The following TBL1XR1 variants were observed in gnomAD, a reference collection of about 807,000 sequenced individuals.
TBL1XR1 encodes the protein F-box-like/WD repeat-containing protein TBL1XR1.
TBL1XR1 carries 5 observed loss-of-function variants against 66.9 expected under a neutral mutation model. That is an observed-to-expected ratio of 0.07 (90% CI 0.04 to 0.16). The LOEUF (loss-of-function observed/expected upper bound fraction) is 0.16, where lower values mean the gene tolerates loss of function less well. Ranked by LOEUF, TBL1XR1 falls within the 10% of genes least tolerant of loss-of-function variation. TBL1XR1 has a pLI of 1.00. For synonymous variants in TBL1XR1, 210 were observed against 206.0 expected, an observed-to-expected ratio of 1.02 and a Z score of -0.17; for missense variants, 238 against 623.2, an observed-to-expected ratio of 0.38 and a Z score of 6.58.
intron 7 of TBL1XR1, 167 bp from the exon 8 acceptor site, chr3:177,047,716 C>G: frequency 1.5e-6 from 1 of 659,816 alleles, no homozygotes. Context: ...GCCTATGAAA[C>G]CCTTCCACTG....
intron 12 of TBL1XR1, 89 bp downstream of exon 12, chr3:177,038,009 A>G: frequency 8.7e-7 from 1 of 1,145,652 alleles, no homozygotes; most frequent in Non-Finnish European, 1.3e-6. Flanking sequence ...CACTCCATGT[A>G]AGACAGACAT....
chr3:177,072,397 C>A (rs1341884821), intron 2 of TBL1XR1, among the ~76,000 whole-genome samples: 1 of 151,142 alleles, frequency 6.6e-6, no homozygotes, highest in Non-Finnish European at 1.5e-5. Flanking sequence ...TAAAACTGCT[C>A]ACACCTTAGT....
chr3:177,116,395 C>T (rs564075439), intron 1 of TBL1XR1, among the ~76,000 whole-genome samples: 2 of 152,238 alleles, frequency 1.3e-5, no homozygotes, highest in South Asian at 4.1e-4. Context: ...GCACCATGAC[C>T]TTCTATTTCT....
intron 7 of TBL1XR1, among the ~76,000 whole-genome samples, chr3:177,049,350 G>C (rs1338606149): frequency 6.6e-6 from 1 of 152,212 alleles, no homozygotes. Context: ...AGCGAGGTAA[G>C]AGATGTATTT....
chr3:177,157,565 ACT>A (rs1412360163), intron 1 of TBL1XR1, among the ~76,000 whole-genome samples: 3 of 152,250 alleles, frequency 2.0e-5, no homozygotes, highest in Non-Finnish European at 2.9e-5. Flanking sequence ...CCTTGGCATC[ACT>A]CTCTGCATCA....
At chr3:177,160,678 T>C (rs1320733812) in intron 1 of TBL1XR1, among the ~76,000 whole-genome samples, 1 of 151,986 alleles carries the variant, frequency 6.6e-6, no homozygotes, top group Admixed American at 6.6e-5. Flanking sequence ...CAGTCCTAAA[T>C]CATAAAACAT....
chr3:177,037,767 A>C (rs1370144513), intron 12 of TBL1XR1: 1 of 138,708 alleles, frequency 7.2e-6, no homozygotes, highest in Non-Finnish European at 1.4e-5. Context: ...CTCACAGTAA[A>C]TCTCTCATCC....
intron 1 of TBL1XR1, among the ~76,000 whole-genome samples, chr3:177,109,482 T>C (rs776887659): frequency 2.6e-4 from 40 of 151,924 alleles, no homozygotes; most frequent in South Asian, 2.1e-4. Context: ...AACAGAACTA[T>C]GGGAAGAAAG....
chr3:177,051,862 A>G (rs1006253048), intron 4 of TBL1XR1, 136 bp from the exon 5 acceptor site: 1 of 1,100,250 alleles, frequency 9.1e-7, no homozygotes. Flanking sequence ...AATTCATATA[A>G]GAAGTCCGGA....
intron 1 of TBL1XR1, among the ~76,000 whole-genome samples, chr3:177,100,408 C>T (rs1234524077): frequency 1.3e-5 from 2 of 151,994 alleles, no homozygotes; most frequent in African/African-American, 2.4e-5. Context: ...AGCTCATCAA[C>T]ACCAACAGTG....
chr3:177,080,391 A>G (rs957440667), intron 2 of TBL1XR1, among the ~76,000 whole-genome samples: 10 of 152,214 alleles, frequency 6.6e-5, no homozygotes, highest in Non-Finnish European at 1.3e-4. Flanking sequence ...TTTAAGTGAT[A>G]AAGTGCCCAT....
chr3:177,163,392 C>A (rs1220176020), intron 1 of TBL1XR1, among the ~76,000 whole-genome samples: 2 of 151,822 alleles, frequency 1.3e-5, no homozygotes, highest in Non-Finnish European at 1.5e-5. Context: ...ACCTGTAATC[C>A]CAGCTACTCA....
At chr3:177,187,705 GCTCTCC>G (rs1735597192) in intron 1 of TBL1XR1, among the ~76,000 whole-genome samples, 1 of 151,854 alleles carries the variant, frequency 6.6e-6, no homozygotes, top group African/African-American at 2.4e-5. Flanking sequence ...ACAATGTCCC[GCTCTCC>G]ACTGTGCTGA....
At chr3:177,128,625 CGTCCTCCGAAA>C (rs761626277) in intron 1 of TBL1XR1, among the ~76,000 whole-genome samples, 1 of 152,178 alleles carries the variant, frequency 6.6e-6, no homozygotes, top group Non-Finnish European at 1.5e-5. Flanking sequence ...CTGCCCCCGT[CGTCCTCCGAAA>C]GTGCTGGGAT....
intron 10 of TBL1XR1, among the ~76,000 whole-genome samples, chr3:177,043,692 T>C (rs774665685): frequency 6.6e-6 from 1 of 152,194 alleles, no homozygotes; most frequent in Non-Finnish European, 1.5e-5. Flanking sequence ...TTTACACTTA[T>C]TTTGCTTTGT....
chr3:177,085,623 T>C (rs1034593511), intron 2 of TBL1XR1, among the ~76,000 whole-genome samples: 2 of 152,016 alleles, frequency 1.3e-5, no homozygotes, highest in African/African-American at 4.8e-5. Context: ...TGAAAAAATA[T>C]GGGAAAAAAT....
intron 1 of TBL1XR1, among the ~76,000 whole-genome samples, chr3:177,129,711 T>C (rs1007574728): frequency 6.6e-6 from 1 of 152,096 alleles, no homozygotes; most frequent in South Asian, 2.1e-4. Context: ...AAAAAAAAAG[T>C]ACAAGATACC....
rs1311510797 is a variant in TBL1XR1, at chr3:177,023,916, T to C, written c.*1582A>G. 1 of 152,090 alleles carries C rather than the reference T, an allele frequency of 6.6e-6. No individual in the cohort carries two copies. Among genetic ancestry groups the C allele is most frequent in the Non-Finnish European group, 1.5e-5 (1 of 67,952 alleles). The allele number at this position is 152,090 out of a possible 1,614,324, so 9.4% of individuals were successfully genotyped here. The stretch of plus-strand genomic sequence containing the variant: ...ATTTGATGACTATTCTCTTCAGAAA[T>C]GACATACCTGGATTATGTTAATCAT... On this transcript the variant is annotated 3_prime_UTR_variant, in exon 16 of 16. Coordinates refer to ENST00000457928, the MANE Select transcript of TBL1XR1 (RefSeq NM_024665.7).
chr3:177,047,442 T>C, intron 8 of TBL1XR1, 44 bp downstream of exon 8: 1 of 1,606,260 alleles, frequency 6.2e-7, no homozygotes, highest in South Asian at 1.1e-5. Flanking sequence ...AAATTTTCTA[T>C]CTTTAGATCA....
Sources: allele counts gnomAD v4.1 joint callset (sites outside exome capture counted in the v4.1 genomes callset), GRCh38; gene constraint gnomAD v4.1.1; transcripts MANE v1.5; gene names NCBI Gene and HGNC (gene_info 2026-07-23, HGNC 2026-07-21).